MIA2: variants seen among roughly 807,000 people sequenced by gnomAD.
The protein encoded by MIA2 is melanoma inhibitory activity protein 2.
In MIA2, 127 loss-of-function variants were observed where a neutral mutation model predicts 167.8. The observed-to-expected ratio is 0.76, with a 90% CI of 0.66 to 0.88. The LOEUF (loss-of-function observed/expected upper bound fraction) is 0.88, where lower values mean the gene tolerates loss of function less well. MIA2 is among the 40% of genes least tolerant of loss of function. MIA2 has a pLI of 0.00. For synonymous variants in MIA2, 552 were observed against 541.9 expected, an observed-to-expected ratio of 1.02 and a Z score of -0.26; for missense variants, 1,690 against 1,624.7, an observed-to-expected ratio of 1.04 and a Z score of -0.69.
chr14:39,236,798 A>C, intron 1 of MIA2, 124 bp from the exon 2 acceptor site: 1 of 946,424 alleles, frequency 1.1e-6, no homozygotes, highest in Non-Finnish European at 1.5e-6. Flanking sequence ...TTTTGAGGCC[A>C]TAAATGATAT....
At chr14:39,243,738 C>T (rs1057457704) in intron 3 of MIA2, among the ~76,000 whole-genome samples, 4 of 152,152 alleles carry the variant, frequency 2.6e-5, no homozygotes, top group East Asian at 1.9e-4. Flanking sequence ...TGGTGATGTG[C>T]GCCTGTTTTC....
intron 20 of MIA2, 162 bp downstream of exon 20, chr14:39,314,961 A>T: frequency 2.0e-6 from 1 of 491,720 alleles, no homozygotes; most frequent in Non-Finnish European, 3.3e-6. Context: ...CAGGAGCCAA[A>T]GATTCTGAGA....
intron 6 of MIA2, chr14:39,265,743 T>C (rs1310850031): frequency 8.1e-6 from 2 of 248,090 alleles, no homozygotes; most frequent in Non-Finnish European, 1.5e-5. Context: ...AATACAATGT[T>C]CTAATTGAGG....
rs140966971 is a variant in MIA2, at chr14:39,348,890, C to G, written c.3985C>G (p.Pro1329Ala). The G allele has an allele frequency of 1.2e-6, 2 of 1,614,120 alleles. No individual in the cohort carries two copies. Among genetic ancestry groups the G allele is most frequent in the Non-Finnish European group, 1.7e-6 (2 of 1,180,008 alleles). ...PFLRRGPPFPPPPPGAMFGAS... is the reference protein window; with the variant it reads ...PFLRRGPPFPAPPPGAMFGAS... ...CTTGAGAAGAGGACCTCCTTTCCCC[C>G]CACCTCCTCCAGGAGCCATGTTTGG... Residue 1329 changes from proline (P) to alanine (A), a missense_variant, in exon 28 of 29, where the codon CCA becomes GCA. Coordinates refer to ENST00000640607, the MANE Select transcript of MIA2 (RefSeq NM_001329214.4).
intron 25 of MIA2, among the ~76,000 whole-genome samples, chr14:39,331,820 C>T (rs191727160): frequency 1.7e-3 from 261 of 152,272 alleles, no homozygotes; most frequent in East Asian, 3.1e-3. Flanking sequence ...CAGAGAGATC[C>T]GCTGTTAGTC....
At chr14:39,351,332 G>C (rs1020680921), downstream of MIA2, 1 of 148,266 alleles carries the variant, frequency 6.7e-6, no homozygotes, top group Non-Finnish European at 1.5e-5. Flanking sequence ...TTGGAACACT[G>C]ATCTTGTGAA....
chr14:39,315,120 TAAAAAA>T (rs558848153), intron 20 of MIA2: 23 of 105,860 alleles, frequency 2.2e-4, no homozygotes, highest in Admixed American at 2.0e-3. Context: ...CTGTCTCTAC[TAAAAAA>T]AAAAAAAAAA....
chr14:39,315,633 TA>T (rs754519761), intron 20 of MIA2, 49 bp from the exon 21 acceptor site: 1 of 1,396,576 alleles, frequency 7.2e-7, no homozygotes, highest in Admixed American at 1.9e-5. Flanking sequence ...GAATGTTTTT[TA>T]CTTAAGAAAA....
chr14:39,314,789 A>G lies in MIA2; in HGVS notation c.3170A>G (p.Tyr1057Cys), dbSNP rs1258051960. Residue 1057 changes from tyrosine (Y) to cysteine (C), a missense_variant, in exon 20 of 29, where the codon TAT (tyrosine) becomes TGT (cysteine). Tyr to Cys is a radical substitution (Grantham distance 194). Transcript: ENST00000640607. ...GAATTGGAGAGAACTATTCATTCTTATCAAGGGCAGGTATATATATATGTG... is the reference window on the plus strand; with the variant it reads ...GAATTGGAGAGAACTATTCATTCTTGTCAAGGGCAGGTATATATATATGTG... The part of the protein sequence containing the change: ...EEELERTIHS[Y>C]QGQIISHEKK... 2 of 1,562,356 alleles carry G rather than the reference A, an allele frequency of 1.3e-6. No individual in the cohort carries two copies. The highest frequency in any genetic ancestry group is 2.3e-5 in the East Asian group (1 of 43,464).
intron 6 of MIA2, among the ~76,000 whole-genome samples, chr14:39,261,028 T>C (rs2055078382): frequency 6.6e-6 from 1 of 152,072 alleles, no homozygotes; most frequent in South Asian, 2.1e-4. Context: ...CTGGGGTACA[T>C]GTGCACAACA....
At chr14:39,370,612 A>G in intron 23 of MIA2, 1 of 349,984 alleles carries the variant, frequency 2.9e-6, no homozygotes, top group Non-Finnish European at 5.9e-6. Context: ...GAAGTCCAGC[A>G]CCTTGTCCTT....
At chr14:39,380,553 C>T (rs145952427) in intron 23 of MIA2, among the ~76,000 whole-genome samples, 1,599 of 151,986 alleles carry the variant, frequency 0.011, 28 homozygotes, top group African/African-American at 0.037. Flanking sequence ...ATTAGCTGGG[C>T]ATGGTGGCAT....
intron 12 of MIA2, 147 bp from the exon 13 acceptor site, chr14:39,294,778 C>G (rs1343138813): frequency 3.1e-6 from 2 of 642,546 alleles, no homozygotes; most frequent in Admixed American, 2.7e-5. Flanking sequence ...TCTAGACAAG[C>G]CTTTTTTCTG....
chr14:39,259,069 T>C (rs11626069), intron 6 of MIA2, among the ~76,000 whole-genome samples: 5,411 of 152,322 alleles, frequency 0.036, 133 homozygotes, highest in Non-Finnish European at 0.05. Context: ...AGGAACTTAC[T>C]TGAGGAAGAA....
At chr14:39,359,266 C>T (rs2074616582) in intron 23 of MIA2, among the ~76,000 whole-genome samples, 1 of 152,220 alleles carries the variant, frequency 6.6e-6, no homozygotes, top group Non-Finnish European at 1.5e-5. Context: ...CACCCCTCCC[C>T]CAGCCTTGCT....
At position 39,364,285 on chromosome 14, in the gene MIA2, G is replaced by C. The variant is rs932340909; in HGVS notation, c.2248+15308G>C. On this transcript the variant is annotated intron_variant, in intron 23 of 23. Transcript: ENST00000341502. The stretch of plus-strand genomic sequence containing the variant: ...AGGCAGGAGAATCACTTGAACCCAA[G>C]AGGCAGAAGTTGCAGTGAGCTGATA... Among the ~76,000 whole-genome samples the C allele has an allele frequency of 3.3e-5, 5 of 152,186 alleles. No homozygotes were observed. In the South Asian group the frequency reaches 1.0e-3, roughly 32 times the overall value.
chr14:39,234,140 TC>T lies in MIA2; in HGVS notation c.28del (p.Leu10PhefsTer7), dbSNP rs761384815. Reference sequence around the variant, plus strand: ...ATGGCAAAATTTGGCGTTCACAGAATCCTTCTTCTGGCTATTTCTCTGACAA... The same window carrying T: ...ATGGCAAAATTTGGCGTTCACAGAATCTTCTTCTGGCTATTTCTCTGACAA... MAKFGVHR[I>X]LLLAISLTKC... On this transcript the variant is annotated frameshift_variant, in exon 1 of 29. Coordinates refer to ENST00000640607, the MANE Select transcript of MIA2 (RefSeq NM_001329214.4). LOFTEE classifies it high-confidence loss of function. 381 of 1,607,070 alleles carry T rather than the reference TC, an allele frequency of 2.4e-4. 1 individual carries two copies. Among genetic ancestry groups the T allele is most frequent in the Non-Finnish European group, 7.3e-5 (86 of 1,177,464 alleles).
chr14:39,301,742 C>T (rs146795744), intron 14 of MIA2, among the ~76,000 whole-genome samples: 21 of 152,310 alleles, frequency 1.4e-4, no homozygotes, highest in Admixed American at 2.6e-4. Flanking sequence ...TAAAAATCTA[C>T]GATCTTTTTA....
chr14:39,296,611 T>G (rs1470564423), intron 13 of MIA2, among the ~76,000 whole-genome samples: 1 of 148,874 alleles, frequency 6.7e-6, no homozygotes, highest in East Asian at 2.0e-4. Context: ...TTTTCTTTTT[T>G]TTTTTTTTTA....
Sources: gnomAD v4.1 joint callset for allele counts (sites outside exome capture counted in the v4.1 genomes callset) on GRCh38, gnomAD v4.1.1 for gene constraint, MANE v1.5 for transcripts, NCBI Gene and HGNC (gene_info 2026-07-23, HGNC 2026-07-21) for gene names.